PRKCE: variants seen among roughly 807,000 people sequenced by gnomAD.
The protein encoded by PRKCE is protein kinase C epsilon.
PRKCE carries 16 observed loss-of-function variants against 85.4 expected under a neutral mutation model. That is an observed-to-expected ratio of 0.19 (90% CI 0.13 to 0.28). The LOEUF (loss-of-function observed/expected upper bound fraction) is 0.28. Among genes scored for constraint, PRKCE ranks in the 10% least tolerant of loss-of-function variants. The pLI is 1.00. For missense variants in PRKCE, 573 were observed against 975.2 expected, an observed-to-expected ratio of 0.59 and a Z score of 5.49; for synonymous variants, 388 against 371.5, an observed-to-expected ratio of 1.04 and a Z score of -0.51.
intron 1 of PRKCE, among the ~76,000 whole-genome samples, chr2:45,831,654 G>A (rs144372456): frequency 1.1e-4 from 17 of 152,270 alleles, no homozygotes; most frequent in African/African-American, 3.9e-4. Context: ...TAGCAGCAAG[G>A]TAAGAGAATG....
At chr2:46,005,718 C>T (rs949590299) in intron 8 of PRKCE, among the ~76,000 whole-genome samples, 17 of 152,132 alleles carry the variant, frequency 1.1e-4, no homozygotes, top group African/African-American at 4.1e-4. Flanking sequence ...GGGGGTCATG[C>T]ACCAGCCCTG....
At chr2:45,744,195 A>G (rs2104672083) in intron 1 of PRKCE, among the ~76,000 whole-genome samples, 1 of 152,288 alleles carries the variant, frequency 6.6e-6, no homozygotes, top group Admixed American at 6.5e-5. Context: ...AATAGATACA[A>G]TATGCGTAAT....
At chr2:45,824,759 C>T (rs574269227) in intron 1 of PRKCE, among the ~76,000 whole-genome samples, 113 of 152,260 alleles carry the variant, frequency 7.4e-4, no homozygotes, top group African/African-American at 2.5e-3. Context: ...ATTTAATGAT[C>T]GCCACCCCTC....
intron 1 of PRKCE, among the ~76,000 whole-genome samples, chr2:45,830,071 T>C (rs1413969231): frequency 3.8e-5 from 1 of 26,386 alleles, no homozygotes; most frequent in Non-Finnish European, 6.5e-5. Flanking sequence ...AGACTCCGTC[T>C]CAAAAAAAAA....
At chr2:46,088,227 C>G (rs568671319) in intron 11 of PRKCE, among the ~76,000 whole-genome samples, 1 of 152,166 alleles carries the variant, frequency 6.6e-6, no homozygotes, top group Non-Finnish European at 1.5e-5. Context: ...ACCTTTCTCT[C>G]CTCACTTCCC....
chr2:45,847,629 A>AT (rs1386093752), intron 2 of PRKCE, among the ~76,000 whole-genome samples: 1 of 152,272 alleles, frequency 6.6e-6, no homozygotes, highest in South Asian at 2.1e-4. Flanking sequence ...CAAAAGGTTG[A>AT]TTATGAGACC....
At chr2:45,847,293 C>T (rs548883329) in intron 2 of PRKCE, among the ~76,000 whole-genome samples, 1 of 152,328 alleles carries the variant, frequency 6.6e-6, no homozygotes, top group South Asian at 2.1e-4. Flanking sequence ...TTAGTGTGGA[C>T]CATAGCATGT....
At chr2:45,693,142 C>T (rs970373425) in intron 1 of PRKCE, among the ~76,000 whole-genome samples, 1 of 151,644 alleles carries the variant, frequency 6.6e-6, no homozygotes, top group Non-Finnish European at 1.5e-5. Flanking sequence ...TGGGAGGTGG[C>T]AATGGATGGG....
At chr2:45,664,658 AT>A (rs1350326509) in intron 1 of PRKCE, among the ~76,000 whole-genome samples, 1 of 152,210 alleles carries the variant, frequency 6.6e-6, no homozygotes. Flanking sequence ...TGAGGGGAAC[AT>A]GGATTACCTT....
intron 2 of PRKCE, among the ~76,000 whole-genome samples, chr2:45,952,194 T>G (rs1045471898): frequency 6.6e-6 from 1 of 152,224 alleles, no homozygotes; most frequent in Non-Finnish European, 1.5e-5. Context: ...AGTCTGATTT[T>G]TCCATCACAT....
At chr2:46,171,492 G>A (rs1468320294) in intron 14 of PRKCE, among the ~76,000 whole-genome samples, 5 of 152,246 alleles carry the variant, frequency 3.3e-5, no homozygotes, top group African/African-American at 1.2e-4. Flanking sequence ...CTGCATTGAT[G>A]CCTCCCGGCA....
intron 1 of PRKCE, among the ~76,000 whole-genome samples, chr2:45,775,257 C>T (rs886750201): frequency 6.6e-6 from 1 of 152,192 alleles, no homozygotes; most frequent in Non-Finnish European, 1.5e-5. Context: ...ACCAGGCCAT[C>T]TCACTCCATG....
At chr2:45,710,630 G>A (rs1447344531) in intron 1 of PRKCE, among the ~76,000 whole-genome samples, 1 of 152,264 alleles carries the variant, frequency 6.6e-6, no homozygotes, top group African/African-American at 2.4e-5. Flanking sequence ...GGCAGGAGAA[G>A]GCTCTGGACA....
intron 11 of PRKCE, among the ~76,000 whole-genome samples, chr2:46,098,098 G>T (rs1320670314): frequency 6.6e-6 from 1 of 152,178 alleles, no homozygotes. Flanking sequence ...AGCTAGTAAT[G>T]TGTGTTCAGA....
chr2:46,064,176 G>C (rs1442870383), intron 10 of PRKCE, among the ~76,000 whole-genome samples: 1 of 151,470 alleles, frequency 6.6e-6, no homozygotes, highest in Non-Finnish European at 1.5e-5. Flanking sequence ...CAGCTACTCA[G>C]GAGGCTGAGG....
At chr2:45,974,515 G>A (rs1310610409) in intron 2 of PRKCE, among the ~76,000 whole-genome samples, 2 of 152,186 alleles carry the variant, frequency 1.3e-5, no homozygotes, top group African/African-American at 4.8e-5. Context: ...GTCTGGGAAC[G>A]CTGAGGGCAG....
rs1412572505 is a variant in PRKCE, at chr2:45,976,414, C to T, written c.413-15C>T. 6.3e-7 allele frequency: 1 copy of T among 1,598,340 alleles called. No individual in the cohort carries two copies. The highest frequency in any genetic ancestry group is 1.1e-5 in the South Asian group (1 of 90,994). The stretch of plus-strand genomic sequence containing the variant: ...CCCAGACTCCGTTTTCTTCCCTGCT[C>T]TTGTCCTTCCCCAGCCCCTAAAGAC... On this transcript the variant is annotated splice_polypyrimidine_tract_variant and intron_variant, in intron 2 of 14. Coordinates refer to ENST00000306156, the MANE Select transcript of PRKCE (RefSeq NM_005400.3).
At chr2:45,963,263 A>G (rs369829784) in intron 2 of PRKCE, among the ~76,000 whole-genome samples, 101 of 152,298 alleles carry the variant, frequency 6.6e-4, no homozygotes, top group African/African-American at 2.4e-3. Context: ...TCATTTAGGT[A>G]ATTACCAGCT....
chr2:45,659,272 A>C (rs980926955), intron 1 of PRKCE, among the ~76,000 whole-genome samples: 7 of 152,198 alleles, frequency 4.6e-5, no homozygotes, highest in African/African-American at 1.7e-4. Flanking sequence ...TTACCCAGCC[A>C]AAAACCTTGA....
Sources: gnomAD v4.1 joint callset for allele counts (sites outside exome capture counted in the v4.1 genomes callset) on GRCh38, gnomAD v4.1.1 for gene constraint, MANE v1.5 for transcripts, NCBI Gene and HGNC (gene_info 2026-07-23, HGNC 2026-07-21) for gene names.